MYCBP2: variants seen among roughly 807,000 people sequenced by gnomAD.
MYCBP2 encodes MYC binding protein 2, also known as E3 ubiquitin-protein ligase MYCBP2.
In MYCBP2, 120 loss-of-function variants were observed where a neutral mutation model predicts 525.3. The observed-to-expected ratio is 0.23, with a 90% CI of 0.20 to 0.27. MYCBP2 has a LOEUF of 0.27. Ranked by LOEUF, MYCBP2 falls within the 10% of genes least tolerant of loss-of-function variation. The pLI is 1.00. For synonymous variants in MYCBP2, 1,894 were observed against 1,955.8 expected, an observed-to-expected ratio of 0.97 and a Z score of 0.83; for missense variants, 4,149 against 5,657.1, an observed-to-expected ratio of 0.73 and a Z score of 8.55.
chr13:77,201,120 C>T (rs997340517), intron 26 of MYCBP2, among the ~76,000 whole-genome samples: 1 of 152,022 alleles, frequency 6.6e-6, no homozygotes, highest in Admixed American at 6.6e-5. Context: ...GAGTCAAGAC[C>T]CATCAGTGTG....
chr13:77,069,947 T>C (rs139766052), intron 69 of MYCBP2, among the ~76,000 whole-genome samples: 15 of 152,278 alleles, frequency 9.9e-5, no homozygotes, highest in African/African-American at 3.6e-4. Flanking sequence ...TTTTATGTTA[T>C]GTAGCACCCC....
intron 38 of MYCBP2, among the ~76,000 whole-genome samples, chr13:77,171,185 A>T (rs1181085945): frequency 6.6e-6 from 1 of 152,178 alleles, no homozygotes; most frequent in East Asian, 1.9e-4. Flanking sequence ...AAGAACAGAG[A>T]GGAAGAAAAA....
In MYCBP2 at chr13:77,168,440, C is replaced by A; in HGVS notation, c.6102G>T (p.Val2034=). 6.2e-7 allele frequency: 1 copy of A among 1,613,996 alleles called. No individual in the cohort carries two copies. The stretch of plus-strand genomic sequence containing the variant: ...AACCGGTGCCTACCTTGTAATGCAT[C>A]ACACAGGCAGGTTTATACGGGTGCT... ...ESEHPYKPAC[V]MHYKVTFPEC... Residue 2034 remains valine (V), a synonymous_variant, in exon 40 of 83, where the codon GTG becomes GTT. Transcript: ENST00000544440.
intron 21 of MYCBP2, among the ~76,000 whole-genome samples, chr13:77,212,843 T>C (rs1227331645): frequency 6.6e-6 from 1 of 152,180 alleles, no homozygotes; most frequent in African/African-American, 2.4e-5. Context: ...CTAGTAAGCC[T>C]GTAGCTGAAA....
intron 3 of MYCBP2, among the ~76,000 whole-genome samples, chr13:77,279,752 C>G (rs539942885): frequency 6.6e-6 from 1 of 152,240 alleles, no homozygotes; most frequent in Non-Finnish European, 1.5e-5. Context: ...TGCAAACTCA[C>G]TTTAGGAAAT....
At chr13:77,265,376 G>A (rs950346163) in intron 8 of MYCBP2, among the ~76,000 whole-genome samples, 7 of 152,058 alleles carry the variant, frequency 4.6e-5, no homozygotes, top group East Asian at 3.9e-4. Flanking sequence ...GTGAAGCGGC[G>A]CAAGAAGAGT....
intron 53 of MYCBP2, among the ~76,000 whole-genome samples, chr13:77,125,676 G>A (rs1400045762): frequency 6.6e-6 from 1 of 152,178 alleles, no homozygotes; most frequent in African/African-American, 2.4e-5. Context: ...TATGAATTTG[G>A]TTAAAATAAT....
chr13:77,192,011 T>C (rs1056812425), intron 27 of MYCBP2, among the ~76,000 whole-genome samples, 198 bp from the exon 28 acceptor site: 8 of 152,256 alleles, frequency 5.3e-5, no homozygotes, highest in African/African-American at 1.9e-4. Context: ...GGTGATAGAA[T>C]TACATTTCTT....
rs192965703 is a variant in MYCBP2, at chr13:77,309,014, T to C, written c.303-12340A>G. 8.5e-4 allele frequency among the ~76,000 whole-genome samples: 130 copies of C among 152,354 alleles called. 1 individual carries two copies. Among genetic ancestry groups the C allele is most frequent in the African/African-American group, 3.0e-3 (125 of 41,586 alleles). ...TCATAGATGTTTGCAGAAGACAGTA[T>C]GCAAATGGATGCCAAAGGGATATGG... On this transcript the variant is annotated intron_variant, in intron 1 of 82. Transcript: ENST00000544440.
chr13:77,089,985 T>C (rs1371178102), intron 60 of MYCBP2, 121 bp downstream of exon 60: 10 of 811,598 alleles, frequency 1.2e-5, no homozygotes, highest in Non-Finnish European at 1.6e-5. Flanking sequence ...AATCACACAT[T>C]AGAAATTATC....
At chr13:77,296,935 TA>T (rs952373194) in intron 1 of MYCBP2, among the ~76,000 whole-genome samples, 1 of 152,176 alleles carries the variant, frequency 6.6e-6, no homozygotes, top group Non-Finnish European at 1.5e-5. Context: ...AACATAAACT[TA>T]AAACATTAAA....
chr13:77,121,779 A>C (rs1242453668), intron 54 of MYCBP2, among the ~76,000 whole-genome samples: 1 of 152,192 alleles, frequency 6.6e-6, no homozygotes, highest in Non-Finnish European at 1.5e-5. Context: ...CTGAATGCAT[A>C]CTAATATTTC....
rs552792981 is a variant in MYCBP2 at position 77,183,813 on chromosome 13, G to T, written c.4719+1290C>A. 6.6e-4 allele frequency among the ~76,000 whole-genome samples: 100 copies of T among 152,144 alleles called. 1 individual carries two copies. Among genetic ancestry groups the T allele is most frequent in the Middle Eastern group, 6.8e-3 (2 of 294 alleles). ...TCCACCCACCTCAGCCTCCCAAAGT[G>T]CTGGGATTACAGGCATGAGCCACCG... On this transcript the variant is annotated intron_variant, in intron 32 of 82. Coordinates refer to ENST00000544440, the MANE Select transcript of MYCBP2 (RefSeq NM_015057.5).
chr13:77,292,909 A>G (rs932935123), intron 2 of MYCBP2, among the ~76,000 whole-genome samples: 4 of 147,458 alleles, frequency 2.7e-5, no homozygotes, highest in African/African-American at 1.0e-4. Flanking sequence ...GTGAGCTGAG[A>G]TCGCACACCA....
intron 50 of MYCBP2, 152 bp from the exon 51 acceptor site, chr13:77,140,315 A>G: frequency 1.9e-6 from 1 of 532,468 alleles, no homozygotes; most frequent in Admixed American, 3.7e-5. Flanking sequence ...TGCAAATAAC[A>G]GTATAACAAC....
intron 36 of MYCBP2, among the ~76,000 whole-genome samples, chr13:77,174,719 A>C (rs1253620745): frequency 6.7e-6 from 1 of 150,270 alleles, no homozygotes; most frequent in Non-Finnish European, 1.5e-5. Flanking sequence ...TTAATCCTTA[A>C]AATGACCTCA....
Position 77,185,287 on chromosome 13 carries a change from CCTT to C in MYCBP2, c.4532_4534del (p.Glu1511del). On this transcript the variant is annotated inframe_deletion, in exon 32 of 83. Coordinates refer to ENST00000544440, the MANE Select transcript of MYCBP2 (RefSeq NM_015057.5). ...CAATTTCACCATGCAGTGATCAACT[CCTT>C]CTGATAAAATTTTTCTTAACAAAGT... is the stretch of plus-strand genomic sequence containing the variant. 1.2e-6 allele frequency: 2 copies of C among 1,614,022 alleles called. No individual in the cohort carries two copies. Among genetic ancestry groups the C allele is most frequent in the Non-Finnish European group, 1.7e-6 (2 of 1,180,014 alleles).
At chr13:77,149,290 T>C (rs2056106752) in intron 47 of MYCBP2, among the ~76,000 whole-genome samples, 1 of 152,196 alleles carries the variant, frequency 6.6e-6, no homozygotes, top group African/African-American at 2.4e-5. Flanking sequence ...TCTCAAAGTT[T>C]AGGTTTTGAA....
chr13:77,155,762 T>C (rs539644508), intron 46 of MYCBP2, among the ~76,000 whole-genome samples: 3 of 152,314 alleles, frequency 2.0e-5, no homozygotes, highest in South Asian at 2.1e-4. Context: ...TCAATACATA[T>C]TGAGGGGCTT....
Sources: allele counts gnomAD v4.1 joint callset (sites outside exome capture counted in the v4.1 genomes callset), GRCh38; gene constraint gnomAD v4.1.1; transcripts MANE v1.5; gene names NCBI Gene and HGNC (gene_info 2026-07-23, HGNC 2026-07-21).